The following CSMD1 variants were observed in gnomAD, a reference collection of about 807,000 sequenced individuals.
The protein encoded by CSMD1 is CUB and Sushi multiple domains 1, also known as CUB and sushi domain-containing protein 1.
Under a neutral mutation model 417.5 loss-of-function variants are expected in CSMD1, and 213 were observed. That is an observed-to-expected ratio of 0.51 (90% CI 0.46 to 0.57). The LOEUF (loss-of-function observed/expected upper bound fraction) is 0.57, where lower values mean the gene tolerates loss of function less well. Among genes scored for constraint, CSMD1 ranks in the 20% least tolerant of loss-of-function variants. CSMD1 has a pLI of 0.00. For synonymous variants in CSMD1, 2,862 were observed against 1,736.8 expected, an observed-to-expected ratio of 1.65 and a Z score of -16.11; for missense variants, 6,923 against 4,529.7, an observed-to-expected ratio of 1.53 and a Z score of -15.17.
chr8:4,759,450 G>C (rs1363388557), intron 1 of CSMD1, among the ~76,000 whole-genome samples: 1 of 152,196 alleles, frequency 6.6e-6, no homozygotes, highest in Non-Finnish European at 1.5e-5. Flanking sequence ...AGAATGTGCA[G>C]ATTTGTTACA....
At chr8:3,909,680 A>G (rs1808331129) in intron 5 of CSMD1, among the ~76,000 whole-genome samples, 1 of 152,134 alleles carries the variant, frequency 6.6e-6, no homozygotes, top group Non-Finnish European at 1.5e-5. Context: ...TTTTCCTAAC[A>G]TCATCATTCC....
At chr8:4,008,158 C>T (rs1009689020) in intron 4 of CSMD1, among the ~76,000 whole-genome samples, 1 of 152,056 alleles carries the variant, frequency 6.6e-6, no homozygotes, top group Non-Finnish European at 1.5e-5. Flanking sequence ...CACAGCAAAA[C>T]ATTTTAAAAG....
chr8:4,257,479 A>G (rs914623905), intron 3 of CSMD1, among the ~76,000 whole-genome samples: 4 of 152,216 alleles, frequency 2.6e-5, no homozygotes, highest in African/African-American at 7.2e-5. Context: ...AAGAATGCAT[A>G]TATTTCTATT....
At chr8:3,747,939 T>C (rs12679480) in intron 6 of CSMD1, among the ~76,000 whole-genome samples, 23,532 of 152,096 alleles carry the variant, frequency 0.15, 1,850 homozygotes, top group Middle Eastern at 0.18. Flanking sequence ...AAAAAACCCT[T>C]GTCCCACTTT....
chr8:4,325,331 G>A (rs1021888946), intron 3 of CSMD1, among the ~76,000 whole-genome samples: 4 of 152,150 alleles, frequency 2.6e-5, no homozygotes, highest in Admixed American at 1.3e-4. Flanking sequence ...GTAGTTGGAG[G>A]TGGAGGGTTC....
intron 7 of CSMD1, among the ~76,000 whole-genome samples, chr8:3,629,545 C>G (rs556244094): frequency 6.6e-6 from 1 of 152,158 alleles, no homozygotes; most frequent in Admixed American, 6.5e-5. Context: ...TCATCTTTTT[C>G]TCCTGTAAAC....
chr8:3,185,084 C>T (rs1253856644), intron 36 of CSMD1, among the ~76,000 whole-genome samples: 1 of 152,108 alleles, frequency 6.6e-6, no homozygotes, highest in African/African-American at 2.4e-5. Context: ...ACTGAAGGGA[C>T]CATGGACCCC....
chr8:4,345,712 C>T (rs1329994179), intron 3 of CSMD1, among the ~76,000 whole-genome samples: 2 of 152,062 alleles, frequency 1.3e-5, no homozygotes, highest in African/African-American at 2.4e-5. Context: ...AAAGGCTCAA[C>T]GTCATGAATT....
chr8:4,445,096 G>A (rs529404322), intron 2 of CSMD1, among the ~76,000 whole-genome samples: 1 of 151,928 alleles, frequency 6.6e-6, no homozygotes, highest in Non-Finnish European at 1.5e-5. Flanking sequence ...TTACTTCTCT[G>A]AACAACAAAA....
intron 5 of CSMD1, among the ~76,000 whole-genome samples, chr8:3,887,739 A>C (rs1343287231): frequency 1.3e-5 from 2 of 152,142 alleles, no homozygotes; most frequent in African/African-American, 4.8e-5. Context: ...GGATAGAAAA[A>C]ACTCAGATTA....
chr8:3,662,922 G>C (rs764396385), intron 7 of CSMD1, among the ~76,000 whole-genome samples: 8 of 152,230 alleles, frequency 5.3e-5, no homozygotes, highest in African/African-American at 1.9e-4. Flanking sequence ...GGGTTGATAG[G>C]TGCAGCAAAC....
At chr8:3,091,896 T>C (rs117342385) in intron 47 of CSMD1, among the ~76,000 whole-genome samples, 1 of 152,328 alleles carries the variant, frequency 6.6e-6, no homozygotes, top group Non-Finnish European at 1.5e-5. Flanking sequence ...TGGTGTCATA[T>C]TTAAATAAGC....
chr8:2,989,090 C>T lies in CSMD1; in HGVS notation c.8377+8921G>A, dbSNP rs539712335. Among the ~76,000 whole-genome samples the T allele has an allele frequency of 3.3e-5, 5 of 152,346 alleles. 1 individual carries two copies. The highest frequency in any genetic ancestry group is 1.2e-4 in the African/African-American group (5 of 41,578). ...GACAACAGCACATTTATGTGAGATA[C>T]AACAGCCTACAACTCTTGTGAGAAT... On this transcript the variant is annotated intron_variant, in intron 54 of 69. Transcript: ENST00000635120.
In CSMD1 at chr8:4,555,636, A is replaced by T. The variant is rs1299941200; in HGVS notation, c.302+81706T>A. Among the ~76,000 whole-genome samples the T allele has an allele frequency of 2.0e-5, 3 of 152,182 alleles. 1 individual carries two copies. Among genetic ancestry groups the T allele is most frequent in the African/African-American group, 7.2e-5 (3 of 41,442 alleles). On this transcript the variant is annotated intron_variant, in intron 2 of 69. Coordinates refer to ENST00000635120, the MANE Select transcript of CSMD1 (RefSeq NM_033225.6). ...CTATGGAGTGTTTTAATTCTTCATG[A>T]TAAAAATGCTGCTTTTGTCAGAATT...
chr8:3,890,842 C>G (rs1231638804), intron 5 of CSMD1, among the ~76,000 whole-genome samples: 1 of 152,070 alleles, frequency 6.6e-6, no homozygotes, highest in Non-Finnish European at 1.5e-5. Context: ...AATGCTCATA[C>G]TCAGTAAGTA....
intron 3 of CSMD1, among the ~76,000 whole-genome samples, chr8:4,163,582 A>C (rs1398849396): frequency 6.6e-6 from 1 of 152,214 alleles, no homozygotes; most frequent in Non-Finnish European, 1.5e-5. Context: ...AGCTAGATAA[A>C]ACTTCCTGTT....
chr8:4,283,955 A>G (rs1046285055), intron 3 of CSMD1, among the ~76,000 whole-genome samples: 18 of 152,186 alleles, frequency 1.2e-4, no homozygotes. Flanking sequence ...AAGTTTGGCC[A>G]GGGGTGGTGG....
At chr8:3,704,655 C>T (rs1019688720) in intron 7 of CSMD1, 1 of 152,248 alleles carries the variant, frequency 6.6e-6, no homozygotes, top group African/African-American at 2.4e-5. Flanking sequence ...TTCACTCCAA[C>T]CTCACCCTTT....
chr8:4,828,494 G>A (rs980024828), intron 1 of CSMD1, among the ~76,000 whole-genome samples: 1 of 152,076 alleles, frequency 6.6e-6, no homozygotes, highest in Non-Finnish European at 1.5e-5. Flanking sequence ...GTGTCTTGGG[G>A]TAAGATCCGA....
Sources: gnomAD v4.1 joint callset for allele counts (sites outside exome capture counted in the v4.1 genomes callset) on GRCh38, gnomAD v4.1.1 for gene constraint, MANE v1.5 for transcripts, NCBI Gene and HGNC (gene_info 2026-07-23, HGNC 2026-07-21) for gene names.